Variants in LTBP1 observed in about 807,000 individuals in gnomAD.
LTBP1 encodes latent-transforming growth factor beta-binding protein 1.
A neutral mutation model predicts 207.6 loss-of-function variants in LTBP1; 129 were observed. The ratio of observed to expected loss-of-function variants is 0.62; its 90% CI spans 0.54 to 0.72. The LOEUF (loss-of-function observed/expected upper bound fraction) is 0.72. Ranked by LOEUF, LTBP1 falls within the 30% of genes least tolerant of loss-of-function variation. The pLI, the probability that LTBP1 is intolerant of heterozygous loss-of-function variation, is 0.00. For synonymous variants in LTBP1, 963 were observed against 833.7 expected, an observed-to-expected ratio of 1.16 and a Z score of -2.67; for missense variants, 2,281 against 2,217.2, an observed-to-expected ratio of 1.03 and a Z score of -0.58.
At chr2:33,090,962 G>A (rs1006670593) in intron 3 of LTBP1, among the ~76,000 whole-genome samples, 1 of 152,192 alleles carries the variant, frequency 6.6e-6, no homozygotes, top group South Asian at 2.1e-4. Flanking sequence ...CATGACCTGA[G>A]AGGATGCTGC....
At chr2:33,026,658 T>C (rs1437125942) in intron 3 of LTBP1, among the ~76,000 whole-genome samples, 1 of 152,168 alleles carries the variant, frequency 6.6e-6, no homozygotes, top group East Asian at 1.9e-4. Flanking sequence ...GAACGAAAGT[T>C]GAACAAAAGG....
intron 11 of LTBP1, 100 bp downstream of exon 11, chr2:33,252,944 T>G (rs1186805760): frequency 1.1e-6 from 1 of 934,042 alleles, no homozygotes; most frequent in African/African-American, 1.6e-5. Flanking sequence ...TGACTTTAAT[T>G]TTTAATAATA....
chr2:33,277,285 G>T (rs1440843110), intron 18 of LTBP1, among the ~76,000 whole-genome samples: 1 of 152,152 alleles, frequency 6.6e-6, no homozygotes, highest in African/African-American at 2.4e-5. Context: ...TCTCTGATCA[G>T]CATGGAGTTT....
At chr2:33,231,335 C>G (rs1269868520) in intron 9 of LTBP1, among the ~76,000 whole-genome samples, 1 of 152,088 alleles carries the variant, frequency 6.6e-6, no homozygotes, top group Non-Finnish European at 1.5e-5. Context: ...TACTCATTAC[C>G]AAAACTTTCA....
chr2:33,119,468 C>G (rs958389345), intron 4 of LTBP1, among the ~76,000 whole-genome samples: 3 of 152,276 alleles, frequency 2.0e-5, no homozygotes, highest in South Asian at 2.1e-4. Context: ...GAATTAGATT[C>G]CTTATAGAAG....
At chr2:33,288,682 C>T (rs979229264) in intron 19 of LTBP1, among the ~76,000 whole-genome samples, 4 of 151,812 alleles carry the variant, frequency 2.6e-5, no homozygotes, top group African/African-American at 4.8e-5. Flanking sequence ...AGTGAAACCC[C>T]GTCTCTATTA....
In LTBP1 at chr2:33,217,770, A is replaced by G. The variant is rs560241776; in HGVS notation, c.1804+116A>G. On this transcript the variant is annotated intron_variant, in intron 8 of 33. Transcript: ENST00000404816. The stretch of plus-strand genomic sequence containing the variant: ...TCAAAGAACTCTCCTACTGAATTCT[A>G]GAATGTAGTACTATGATGTGCATTT... 1.8e-4 allele frequency: 139 copies of G among 762,770 alleles called. 1 individual carries two copies. In the African/African-American group the frequency reaches 2.3e-3, roughly 12 times the overall value. The allele number at this position is 762,770 out of a possible 1,614,324, so 47.3% of individuals were successfully genotyped here.
intron 26 of LTBP1, among the ~76,000 whole-genome samples, chr2:33,352,970 C>CT (rs61357622): frequency 0.015 from 1,394 of 93,220 alleles, 84 homozygotes; most frequent in African/African-American, 0.034. Context: ...GTAAGCCTTT[C>CT]TTTTTTTTTT....
At chr2:33,352,970 CTTTTTT>C (rs61357622) in intron 26 of LTBP1, among the ~76,000 whole-genome samples, 3 of 93,214 alleles carry the variant, frequency 3.2e-5, no homozygotes, top group East Asian at 3.2e-4. Context: ...GTAAGCCTTT[CTTTTTT>C]TTTTTTTTTT....
chr2:33,135,049 G>A, intron 5 of LTBP1, 89 bp downstream of exon 5: 1 of 1,329,870 alleles, frequency 7.5e-7, no homozygotes, highest in Non-Finnish European at 1.0e-6. Flanking sequence ...TCACACTGCT[G>A]TCTGCTTCAA....
chr2:33,166,259 T>A (rs2084911148), intron 5 of LTBP1, among the ~76,000 whole-genome samples: 1 of 152,106 alleles, frequency 6.6e-6, no homozygotes, highest in African/African-American at 2.4e-5. Context: ...AATTAAAACC[T>A]CATAGGGTTG....
At chr2:33,370,517 G>A (rs570301730) in intron 31 of LTBP1, among the ~76,000 whole-genome samples, 1 of 152,308 alleles carries the variant, frequency 6.6e-6, no homozygotes, top group African/African-American at 2.4e-5. Context: ...CTCTGAGGAG[G>A]AAGCAAAGCT....
intron 30 of LTBP1, among the ~76,000 whole-genome samples, chr2:33,364,648 C>G (rs1012405775): frequency 5.9e-5 from 9 of 152,100 alleles, no homozygotes; most frequent in Non-Finnish European, 1.3e-4. Context: ...GCAGAGGCAG[C>G]TGAGGGAAAT....
chr2:33,315,166 A>T lies in LTBP1; in HGVS notation c.3627A>T (p.Pro1209=), dbSNP rs774816843. ...CAGATATTAATGAATGTGAACATCC[A>T]GGGCTCTGTGGTCCGCAAGGGGAGT... ...TCQDINECEH[P]GLCGPQGECL... is the part of the protein sequence containing the mutation. Residue 1209 remains proline, a synonymous_variant, in exon 24 of 34, where the codon CCA becomes CCT. Coordinates refer to ENST00000404816, the MANE Select transcript of LTBP1 (RefSeq NM_206943.4). 1.9e-6 allele frequency: 3 copies of T among 1,605,026 alleles called. No homozygotes were observed. The South Asian group carries it at 3.4e-5, about 18-fold the overall frequency.
chr2:33,012,407 G>A (rs934901999), intron 2 of LTBP1, among the ~76,000 whole-genome samples: 2 of 152,238 alleles, frequency 1.3e-5, no homozygotes, highest in Non-Finnish European at 2.9e-5. Flanking sequence ...CTCAGGCTCG[G>A]TAGTAGCTCC....
chr2:33,293,038 A>T, intron 19 of LTBP1, 122 bp from the exon 20 acceptor site: 1 of 1,011,624 alleles, frequency 9.9e-7, no homozygotes, highest in Non-Finnish European at 1.4e-6. Flanking sequence ...TTGAAAGTTT[A>T]TCTTTAAGAA....
intron 20 of LTBP1, among the ~76,000 whole-genome samples, chr2:33,295,451 C>G (rs920304530): frequency 4.6e-5 from 7 of 151,826 alleles, no homozygotes; most frequent in Non-Finnish European, 8.8e-5. Flanking sequence ...CACTTGAACC[C>G]GAGAAGCAGA....
At chr2:33,084,221 T>C (rs1451754191) in intron 3 of LTBP1, among the ~76,000 whole-genome samples, 1 of 152,224 alleles carries the variant, frequency 6.6e-6, no homozygotes, top group Non-Finnish European at 1.5e-5. Flanking sequence ...AGCACATACA[T>C]GTATCAGATT....
Position 33,151,578 on chromosome 2 carries a change from C to T in LTBP1, c.1201+16618C>T, listed in dbSNP as rs533195909. Among the ~76,000 whole-genome samples, 18 of 152,166 alleles carry T rather than the reference C, an allele frequency of 1.2e-4. No homozygotes were observed. In the South Asian group the frequency reaches 3.5e-3, roughly 30 times the overall value. ...GCACCCATCACCCGAGCAGCATATT[C>T]TGTACCCTATTTGTAGTCTTTCATC... On this transcript the variant is annotated intron_variant, in intron 5 of 33. Transcript: ENST00000404816.
Sources: allele counts gnomAD v4.1 joint callset (sites outside exome capture counted in the v4.1 genomes callset), GRCh38; gene constraint gnomAD v4.1.1; transcripts MANE v1.5; gene names NCBI Gene and HGNC (gene_info 2026-07-23, HGNC 2026-07-21).